The following PLXDC2 variants were observed in gnomAD, a reference collection of about 807,000 sequenced individuals.
PLXDC2 encodes the protein plexin domain containing 2.
PLXDC2 carries 40 observed loss-of-function variants against 68.9 expected under a neutral mutation model. The observed-to-expected ratio is 0.58, with a 90% CI of 0.45 to 0.76. The LOEUF is 0.76. Ranked by LOEUF, PLXDC2 falls within the 30% of genes least tolerant of loss-of-function variation. The probability of loss-of-function intolerance (pLI) is 0.00; values close to 1 mark genes in which losing one functional copy is unlikely to be tolerated. For synonymous variants in PLXDC2, 243 were observed against 234.2 expected (o/e 1.04, Z -0.34); for missense variants, 644 against 661.9 (o/e 0.97, Z 0.30).
intron 7 of PLXDC2, among the ~76,000 whole-genome samples, chr10:20,175,645 A>T (rs932835411): frequency 6.6e-6 from 1 of 152,216 alleles, no homozygotes; most frequent in Non-Finnish European, 1.5e-5. Flanking sequence ...CATGGGCAAC[A>T]TAACCAGACC....
chr10:20,005,837 T>G (rs549078092), intron 2 of PLXDC2, among the ~76,000 whole-genome samples: 306 of 152,156 alleles, frequency 2.0e-3, no homozygotes, highest in Non-Finnish European at 2.7e-3. Context: ...CCAAATGAGA[T>G]TCGGAAGGGA....
intron 1 of PLXDC2, among the ~76,000 whole-genome samples, chr10:19,881,912 C>T (rs960637676): frequency 6.6e-6 from 1 of 152,174 alleles, no homozygotes; most frequent in African/African-American, 2.4e-5. Context: ...CAGTGTCCTT[C>T]TCAACTAACT....
intron 9 of PLXDC2, among the ~76,000 whole-genome samples, chr10:20,196,613 CAG>C (rs1348277193): frequency 6.6e-6 from 1 of 152,100 alleles, no homozygotes; most frequent in African/African-American, 2.4e-5. Context: ...CAGTAGATAG[CAG>C]AGAGAGATAC....
chr10:20,146,488 T>TTTCCTTCC (rs34150409), intron 5 of PLXDC2, among the ~76,000 whole-genome samples: 41,665 of 80,948 alleles, frequency 0.51, 11,719 homozygotes, highest in Non-Finnish European at 0.58. Context: ...TTCTTTTCTT[T>TTTCCTTCC]TTCCTTCCTT....
intron 13 of PLXDC2, among the ~76,000 whole-genome samples, chr10:20,265,208 A>G (rs546396973): frequency 6.6e-6 from 1 of 152,196 alleles, no homozygotes; most frequent in African/African-American, 2.4e-5. Flanking sequence ...AACTCTGCCA[A>G]TGTTCTTTCC....
Position 20,266,360 on chromosome 10 carries a change from G to GA in PLXDC2, c.1474-13343_1474-13342insA, listed in dbSNP as rs1212284044. Among the ~76,000 whole-genome samples the GA allele has an allele frequency of 3.0e-3, 430 of 143,160 alleles. 1 individual carries two copies. Among genetic ancestry groups the GA allele is most frequent in the Middle Eastern group, 0.011 (3 of 270 alleles). 93.9% of individuals were successfully genotyped at this position (143,160 alleles called of 152,430 possible). Reference sequence around the variant, plus strand: ...CCAAATGTAAATTAATGAAATTGTTGGGGAAAAAAAAAAAAACGTAATGAC... The same window carrying GA: ...CCAAATGTAAATTAATGAAATTGTTGAGGGAAAAAAAAAAAAACGTAATGAC... On this transcript the variant is annotated intron_variant, in intron 13 of 13. Transcript: ENST00000377252.
chr10:20,030,251 A>G (rs1052443140), intron 2 of PLXDC2, among the ~76,000 whole-genome samples: 5 of 152,170 alleles, frequency 3.3e-5, no homozygotes, highest in Non-Finnish European at 7.3e-5. Context: ...ATGGCATTGT[A>G]TTATACAAAT....
At chr10:19,989,969 C>CG (rs1834718994) in intron 1 of PLXDC2, among the ~76,000 whole-genome samples, 1 of 151,976 alleles carries the variant, frequency 6.6e-6, no homozygotes, top group Non-Finnish European at 1.5e-5. Context: ...AGGCTGTTCT[C>CG]AAACTCCTGA....
chr10:20,121,546 C>T (rs10827968), intron 4 of PLXDC2, among the ~76,000 whole-genome samples: 33,862 of 151,964 alleles, frequency 0.22, 4,664 homozygotes, highest in East Asian at 0.49. Context: ...CAGTACAGCC[C>T]AGGTAATTTG....
chr10:20,254,658 A>G (rs1342174771), intron 13 of PLXDC2, among the ~76,000 whole-genome samples: 1 of 152,184 alleles, frequency 6.6e-6, no homozygotes, highest in Non-Finnish European at 1.5e-5. Flanking sequence ...AGATAAGGCA[A>G]AACACATCTG....
intron 10 of PLXDC2, among the ~76,000 whole-genome samples, chr10:20,216,053 A>G (rs1835132058): frequency 6.6e-6 from 1 of 151,990 alleles, no homozygotes; most frequent in Non-Finnish European, 1.5e-5. Context: ...CTGGCTTTGG[A>G]GCAGGCAGGG....
rs566637814 is a variant in PLXDC2, at chr10:19,920,592, G to C, written c.113-81183G>C. On this transcript the variant is annotated intron_variant, in intron 1 of 13. Transcript: ENST00000377252. ...AGGCCACTGAGTGGCCCTACTCCAG[G>C]GGAAAACCCTCCCACTCCATTCCCC... Among the ~76,000 whole-genome samples the C allele has an allele frequency of 1.8e-3, 276 of 152,268 alleles. 2 individuals are homozygous for C. Among genetic ancestry groups the C allele is most frequent in the Non-Finnish European group, 5.0e-4 (34 of 68,012 alleles).
chr10:19,848,245 A>G (rs1837050092), intron 1 of PLXDC2, among the ~76,000 whole-genome samples: 1 of 152,108 alleles, frequency 6.6e-6, no homozygotes. Context: ...AGACGTACCT[A>G]TTTCTGGAAG....
chr10:20,044,183 T>C (rs1212887409), intron 2 of PLXDC2, among the ~76,000 whole-genome samples: 2 of 123,482 alleles, frequency 1.6e-5, no homozygotes, highest in Non-Finnish European at 3.2e-5. Flanking sequence ...CTTTCCTTCT[T>C]TCTTTCTTTC....
intron 3 of PLXDC2, among the ~76,000 whole-genome samples, chr10:20,054,783 A>G (rs1244727911): frequency 2.0e-5 from 3 of 151,984 alleles, no homozygotes; most frequent in South Asian, 4.2e-4. Flanking sequence ...CAGCACACCA[A>G]CATGGCACAT....
intron 1 of PLXDC2, among the ~76,000 whole-genome samples, chr10:19,990,037 C>T (rs1056193300): frequency 2.6e-4 from 39 of 152,030 alleles, no homozygotes; most frequent in African/African-American, 9.7e-5. Context: ...TGTGAGCCAC[C>T]GCACCTGGCC....
intron 1 of PLXDC2, among the ~76,000 whole-genome samples, chr10:19,924,596 G>T (rs542580303): frequency 6.6e-6 from 1 of 152,304 alleles, no homozygotes; most frequent in East Asian, 1.9e-4. Context: ...GCCACAACAT[G>T]AGTAGTGTGG....
chr10:20,223,031 G>A (rs1835235579), intron 12 of PLXDC2, among the ~76,000 whole-genome samples: 1 of 152,094 alleles, frequency 6.6e-6, no homozygotes, highest in South Asian at 2.1e-4. Flanking sequence ...AGAAAAAGTG[G>A]CAGAAGAAGA....
At chr10:20,261,704 A>C (rs1835810466) in intron 13 of PLXDC2, among the ~76,000 whole-genome samples, 1 of 152,034 alleles carries the variant, frequency 6.6e-6, no homozygotes, top group Non-Finnish European at 1.5e-5. Context: ...AAAATACAAA[A>C]TTATCCGGGG....
Sources: gnomAD v4.1 joint callset for allele counts (sites outside exome capture counted in the v4.1 genomes callset) on GRCh38, gnomAD v4.1.1 for gene constraint, MANE v1.5 for transcripts, NCBI Gene and HGNC (gene_info 2026-07-23, HGNC 2026-07-21) for gene names.